The following THAP3 variants were observed in gnomAD, a reference collection of about 807,000 sequenced individuals.
THAP3 encodes THAP domain containing 3, also known as THAP domain-containing protein 3.
A neutral mutation model predicts 17.7 loss-of-function variants in THAP3; 12 were observed. That is an observed-to-expected ratio of 0.68 (90% confidence interval 0.43 to 1.10). The LOEUF (loss-of-function observed/expected upper bound fraction) is 1.10. THAP3 is among the 50% of genes least tolerant of loss of function. THAP3 has a pLI of 0.00. For missense variants in THAP3, 289 were observed against 318.0 expected (o/e 0.91, Z 0.69); for synonymous variants, 133 against 126.9 (o/e 1.05, Z -0.32).
chr1:6,634,746 G>C (rs1299889572), downstream of THAP3: 1 of 1,350,370 alleles, frequency 7.4e-7, no homozygotes, highest in East Asian at 4.7e-5. Flanking sequence ...GTTCCTGTGA[G>C]GACGCTGGAC....
chr1:6,632,485 A>G lies in THAP3; in HGVS notation c.428A>G (p.His143Arg). 6.2e-7 allele frequency: 1 copy of G among 1,614,200 alleles called. No homozygotes were observed. Among genetic ancestry groups the G allele is most frequent in the Non-Finnish European group, 8.5e-7 (1 of 1,180,030 alleles). Residue 143 changes from histidine to arginine, a missense_variant, in exon 5 of 6, where the codon CAC becomes CGC. Coordinates refer to ENST00000054650, the MANE Select transcript of THAP3 (RefSeq NM_001195753.2). Reference sequence around the variant, plus strand: ...CAGTTGCCCCCAAATGCCGAAGGCCACGTAAAACAGGTAAGACTGAGTGCA... The same window carrying G: ...CAGTTGCCCCCAAATGCCGAAGGCCGCGTAAAACAGGTAAGACTGAGTGCA... ...ELQLPPNAEG[H>R]VKQVSPRRPQ...
At chr1:6,626,986 C>T (rs1304280028) in intron 2 of THAP3, among the ~76,000 whole-genome samples, 2 of 152,264 alleles carry the variant, frequency 1.3e-5, no homozygotes, top group East Asian at 3.8e-4. Context: ...GTTTCCTCCA[C>T]TCCCACGAGA....
rs1283885059 is a variant in THAP3, at chr1:6,633,526, GGT to G, written c.*453_*454del. 9 of 1,097,262 alleles carry G rather than the reference GGT, an allele frequency of 8.2e-6. No homozygotes were observed. Among genetic ancestry groups the G allele is most frequent in the Non-Finnish European group, 1.0e-5 (9 of 897,600 alleles). The allele number at this position is 1,097,262 out of a possible 1,614,324, so 68.0% of individuals were successfully genotyped here. A position where few individuals can be genotyped will look rare whatever the true frequency, so the allele number is the denominator to read the frequency against. ...TAAGGAGTGACTCCTGTCCCGGCCT[GGT>G]GTGAGTGGGCAGTGTAATAAAGTGT... On this transcript the variant is annotated 3_prime_UTR_variant, in exon 6 of 6. Transcript: ENST00000054650.
chr1:6,634,023 ATGT>A (rs775833570), downstream of THAP3: 13 of 1,613,246 alleles, frequency 8.1e-6, no homozygotes, highest in African/African-American at 5.3e-5. Flanking sequence ...TTCTCAGGCA[ATGT>A]TGTTTAATGT....
chr1:6,625,155 T>C lies in THAP3; in HGVS notation c.-64T>C. On this transcript the variant is annotated 5_prime_UTR_variant, in exon 2 of 6. Coordinates refer to ENST00000054650, the MANE Select transcript of THAP3 (RefSeq NM_001195753.2). ...GGCCCCGCCCCTCCCCGCAGGTCCC[T>C]CCCCTCTCCGCAGGCCCCGCCGCCG... 1 of 1,104,480 alleles carries C rather than the reference T, an allele frequency of 9.1e-7. No homozygotes were observed. Among genetic ancestry groups the C allele is most frequent in the Non-Finnish European group, 1.3e-6 (1 of 776,312 alleles). The allele number at this position is 1,104,480 out of a possible 1,614,324, so 68.4% of individuals were successfully genotyped here.
At chr1:6,634,498 C>G (rs1182550310), downstream of THAP3, 1 of 1,344,408 alleles carries the variant, frequency 7.4e-7, no homozygotes, top group African/African-American at 1.5e-5. Flanking sequence ...GAGGCCGGCG[C>G]AGCTTGGGGC....
downstream of THAP3, chr1:6,634,173 T>G: frequency 7.6e-7 from 1 of 1,312,774 alleles, no homozygotes. Context: ...CAGCCTCTGC[T>G]TTCAGGAAAG....
chr1:6,625,993 C>T (rs775269720), intron 2 of THAP3, among the ~76,000 whole-genome samples: 3 of 152,156 alleles, frequency 2.0e-5, no homozygotes, highest in East Asian at 1.9e-4. Flanking sequence ...GCGAGTTTTC[C>T]CCAAGTGAAC....
Position 6,628,655 on chromosome 1 carries a change from C to T in THAP3, c.231C>T (p.Ala77=), listed in dbSNP as rs143402695. 188 of 1,613,512 alleles carry T rather than the reference C, an allele frequency of 1.2e-4. No individual in the cohort carries two copies. The highest frequency in any genetic ancestry group is 1.7e-4 in the Admixed American group (10 of 59,998). ...FGNRKNLKHN[A]VPTVFAFQDP... ...ACCGCAAGAACCTAAAGCACAATGC[C>T]GTGCCCACGGTGTTCGCCTTTCAGG... is the stretch of plus-strand genomic sequence containing the variant. Residue 77 remains alanine (A), a synonymous_variant, in exon 3 of 6, where the codon GCC becomes GCT. Coordinates refer to ENST00000054650, the MANE Select transcript of THAP3 (RefSeq NM_001195753.2).
downstream of THAP3, chr1:6,634,305 C>T (rs905783159): frequency 2.8e-5 from 26 of 943,594 alleles, no homozygotes; most frequent in South Asian, 1.2e-4. Context: ...TGCAACACGA[C>T]GCTCACCGCG....
chr1:6,626,702 C>G (rs894854372), intron 2 of THAP3, among the ~76,000 whole-genome samples: 1 of 152,136 alleles, frequency 6.6e-6, no homozygotes, highest in Non-Finnish European at 1.5e-5. Context: ...AAAAATTACC[C>G]GGGCGTGGTA....
At chr1:6,635,567 AATAAT>A, downstream of THAP3, 2 of 1,164,164 alleles carry the variant, frequency 1.7e-6, no homozygotes, top group Non-Finnish European at 1.2e-6. Flanking sequence ...CTTCTATAAT[AATAAT>A]ATAAAATAAA....
chr1:6,634,987 C>T (rs1454829540), downstream of THAP3: 8 of 715,314 alleles, frequency 1.1e-5, no homozygotes, highest in South Asian at 2.1e-5. Flanking sequence ...ATACGGGAAG[C>T]CACCTGTGTC....
At chr1:6,634,627 C>A, downstream of THAP3, 1 of 1,366,452 alleles carries the variant, frequency 7.3e-7, no homozygotes, top group Non-Finnish European at 9.8e-7. Context: ...AACTTTACTG[C>A]AGCCGAGGTC....
chr1:6,629,078 T>G (rs1016292850), intron 3 of THAP3, among the ~76,000 whole-genome samples: 2 of 152,178 alleles, frequency 1.3e-5, no homozygotes, highest in African/African-American at 4.8e-5. Context: ...GGTGGGCACC[T>G]GTAATCCCAG....
At chr1:6,635,477 G>A (rs977865703), downstream of THAP3, 4 of 580,478 alleles carry the variant, frequency 6.9e-6, no homozygotes, top group African/African-American at 7.5e-5. Context: ...TTCCCAGTGG[G>A]GCTGCCTCAG....
chr1:6,634,605 C>T (rs756421137), downstream of THAP3: 1 of 1,366,352 alleles, frequency 7.3e-7, no homozygotes, highest in South Asian at 1.1e-5. Flanking sequence ...CCCCGAGAGA[C>T]AGGCCTCACG....
At chr1:6,634,458 C>T (rs138994365), downstream of THAP3, 542 of 1,301,570 alleles carry the variant, frequency 4.2e-4, 7 homozygotes, top group East Asian at 0.024. Flanking sequence ...GGAGGGAGGC[C>T]TGACTTCAGC....
intron 4 of THAP3, among the ~76,000 whole-genome samples, chr1:6,631,033 T>G (rs966019202): frequency 1.3e-5 from 2 of 152,002 alleles, no homozygotes; most frequent in Admixed American, 1.3e-4. Context: ...TGAGACAGGG[T>G]CTCACTCTGT....
Sources: allele counts gnomAD v4.1 joint callset (sites outside exome capture counted in the v4.1 genomes callset), GRCh38; gene constraint gnomAD v4.1.1; transcripts MANE v1.5; gene names NCBI Gene and HGNC (gene_info 2026-07-23, HGNC 2026-07-21).